GALK2: variants seen among roughly 807,000 people sequenced by gnomAD.
GALK2 encodes N-acetylgalactosamine kinase.
In GALK2, 36 loss-of-function variants were observed where a neutral mutation model predicts 52.4. That is an observed-to-expected ratio of 0.69 (90% CI 0.53 to 0.91). The LOEUF (loss-of-function observed/expected upper bound fraction) is 0.91. GALK2 is among the 40% of genes least tolerant of loss of function. The probability of loss-of-function intolerance (pLI) is 0.00; values close to 1 mark genes in which losing one functional copy is unlikely to be tolerated. For synonymous variants in GALK2, 176 were observed against 199.1 expected (o/e 0.88, Z 0.98); for missense variants, 579 against 559.1 (o/e 1.04, Z -0.36).
At chr15:49,339,210 A>G (rs1318354566) in intron 3 of GALK2, among the ~76,000 whole-genome samples, 1 of 152,152 alleles carries the variant, frequency 6.6e-6, no homozygotes, top group East Asian at 1.9e-4. Context: ...GAGAAGAGGC[A>G]TTCTGGTTTT....
chr15:49,315,553 A>G (rs1286447862), intron 8 of GALK2, among the ~76,000 whole-genome samples: 1 of 152,194 alleles, frequency 6.6e-6, no homozygotes, highest in Non-Finnish European at 1.5e-5. Flanking sequence ...CCAACACAGA[A>G]CTGCTTTCCC....
intron 5 of GALK2, among the ~76,000 whole-genome samples, chr15:49,278,864 C>T (rs12899761): frequency 0.41 from 62,591 of 152,188 alleles, 13,038 homozygotes; most frequent in African/African-American, 0.43. Flanking sequence ...GTAATTGACT[C>T]ACAGTTCCAC....
At position 49,347,806 on chromosome 15, in the gene GALK2, G is replaced by A. The variant is rs569938782; in HGVS notation, c.427-19685G>A. 1.8e-3 allele frequency among the ~76,000 whole-genome samples: 273 copies of A among 152,148 alleles called. 2 individuals are homozygous for A. Among genetic ancestry groups the A allele is most frequent in the Admixed American group, 4.1e-3 (62 of 15,278 alleles). On this transcript the variant is annotated intron_variant, in intron 3 of 3. Transcript: ENST00000558399. ...GGCTAAGGTGGGTGGATCACCTGAG[G>A]TCAGGAGTTCAAGACCAGCCTGGCC...
At chr15:49,365,774 C>A in intron 3 of GALK2, 1 of 854,054 alleles carries the variant, frequency 1.2e-6, no homozygotes, top group Non-Finnish European at 2.0e-6. Flanking sequence ...TGAAACACAG[C>A]CCAAACAATA....
chr15:49,184,980 A>T (rs866309706), intron 1 of GALK2, among the ~76,000 whole-genome samples: 54 of 152,190 alleles, frequency 3.5e-4, no homozygotes, highest in African/African-American at 1.2e-3. Flanking sequence ...TTTCTTTTTT[A>T]AAAAAATTAA....
At chr15:49,227,771 G>C (rs2090216726) in intron 3 of GALK2, among the ~76,000 whole-genome samples, 2 of 151,750 alleles carry the variant, frequency 1.3e-5, no homozygotes, top group Non-Finnish European at 2.9e-5. Flanking sequence ...GGTAACATTT[G>C]AGTCCTTTCT....
intron 2 of GALK2, among the ~76,000 whole-genome samples, chr15:49,211,088 G>A (rs1396163055): frequency 6.6e-6 from 1 of 151,728 alleles, no homozygotes; most frequent in African/African-American, 2.4e-5. Flanking sequence ...ATAAATTCCA[G>A]TTTCAGGTCA....
intron 5 of GALK2, among the ~76,000 whole-genome samples, chr15:49,269,365 C>CT (rs2030013052): frequency 2.0e-5 from 3 of 152,110 alleles, no homozygotes; most frequent in African/African-American, 7.2e-5. Context: ...AAGGTGAGCT[C>CT]TTGTGGTAGT....
intron 3 of GALK2, 125 bp downstream of exon 3, chr15:49,217,438 A>T: frequency 2.1e-6 from 2 of 937,588 alleles, no homozygotes; most frequent in Non-Finnish European, 3.2e-6. Context: ...TCTGACATTA[A>T]AAAAATTCTA....
chr15:49,213,651 T>G (rs1241522576), intron 2 of GALK2, among the ~76,000 whole-genome samples: 1 of 152,182 alleles, frequency 6.6e-6, no homozygotes, highest in Non-Finnish European at 1.5e-5. Flanking sequence ...CCACTTTGTC[T>G]TTTATTGGGA....
chr15:49,248,077 C>T (rs543806931), intron 5 of GALK2, among the ~76,000 whole-genome samples: 7 of 152,250 alleles, frequency 4.6e-5, no homozygotes, highest in African/African-American at 1.7e-4. Flanking sequence ...AGTGCTGTTT[C>T]CTTGAGAAAG....
intron 5 of GALK2, among the ~76,000 whole-genome samples, chr15:49,269,981 A>G (rs976003928): frequency 2.3e-4 from 35 of 152,336 alleles, no homozygotes; most frequent in African/African-American, 7.9e-4. Flanking sequence ...TGTTTCAACT[A>G]TTCCTTATGG....
At chr15:49,233,034 A>G (rs1181409156) in intron 3 of GALK2, among the ~76,000 whole-genome samples, 1 of 152,176 alleles carries the variant, frequency 6.6e-6, no homozygotes, top group African/African-American at 2.4e-5. Flanking sequence ...CTTTATACCA[A>G]TGCCCCTGTC....
At chr15:49,322,627 G>A (rs1000567074) in intron 9 of GALK2, among the ~76,000 whole-genome samples, 14 of 152,066 alleles carry the variant, frequency 9.2e-5, no homozygotes, top group Non-Finnish European at 1.5e-4. Context: ...TCTTTGTACC[G>A]TGTGAAATTG....
chr15:49,331,482 T>TA lies in GALK2; in HGVS notation c.*3324dup, dbSNP rs771717990. The TA allele has an allele frequency of 5.5e-4, 165 of 302,190 alleles. No individual in the cohort carries two copies. The highest frequency in any genetic ancestry group is 8.3e-4 in the Non-Finnish European group (136 of 163,130). 18.7% of individuals were successfully genotyped at this position (302,190 alleles called of 1,614,324 possible). Reference sequence around the variant, plus strand: ...TTTGTTGAATTATTAATGAAAAACTTACAATTTTAAACATCAGTGATTATT... The same window carrying TA: ...TTTGTTGAATTATTAATGAAAAACTTAACAATTTTAAACATCAGTGATTATT... On this transcript the variant is annotated 3_prime_UTR_variant, in exon 10 of 10. Transcript: ENST00000560031.
intron 5 of GALK2, among the ~76,000 whole-genome samples, chr15:49,259,577 T>C (rs1053672516): frequency 6.7e-6 from 1 of 149,928 alleles, no homozygotes; most frequent in African/African-American, 2.5e-5. Flanking sequence ...ATTTTCTTTT[T>C]TTTTTTTAAT....
chr15:49,216,659 A>T (rs1418628545), intron 2 of GALK2, among the ~76,000 whole-genome samples: 1 of 152,148 alleles, frequency 6.6e-6, no homozygotes, highest in African/African-American at 2.4e-5. Context: ...GCCAGAGGTG[A>T]GGTTGGTTGG....
At chr15:49,317,451 A>G (rs1367726630) in intron 8 of GALK2, among the ~76,000 whole-genome samples, 3 of 151,948 alleles carry the variant, frequency 2.0e-5, no homozygotes, top group Non-Finnish European at 4.4e-5. Flanking sequence ...ATGCTTTTAC[A>G]CTGTTGTTGG....
At chr15:49,287,325 G>C (rs1287568536) in intron 7 of GALK2, among the ~76,000 whole-genome samples, 2 of 152,118 alleles carry the variant, frequency 1.3e-5, no homozygotes, top group Non-Finnish European at 2.9e-5. Context: ...GTGGAAGAAA[G>C]AAAAATGAAA....
Sources: allele counts gnomAD v4.1 joint callset (sites outside exome capture counted in the v4.1 genomes callset), GRCh38; gene constraint gnomAD v4.1.1; transcripts MANE v1.5; gene names NCBI Gene and HGNC (gene_info 2026-07-23, HGNC 2026-07-21).